AGPAT3: variants seen among roughly 807,000 people sequenced by gnomAD.
AGPAT3 encodes the protein 1-acyl-sn-glycerol-3-phosphate acyltransferase gamma.
Under a neutral mutation model 47.3 loss-of-function variants are expected in AGPAT3, and 5 were observed. That is an observed-to-expected ratio of 0.11 (90% CI 0.06 to 0.22). The LOEUF (loss-of-function observed/expected upper bound fraction) is 0.22. Ranked by LOEUF, AGPAT3 falls within the 10% of genes least tolerant of loss-of-function variation. The pLI is 1.00. For missense variants in AGPAT3, 315 were observed against 493.0 expected (o/e 0.64, Z 3.42); for synonymous variants, 212 against 208.3 (o/e 1.02, Z -0.15).
At chr21:43,947,797 C>T (rs2087971965) in intron 2 of AGPAT3, among the ~76,000 whole-genome samples, 1 of 151,816 alleles carries the variant, frequency 6.6e-6, no homozygotes, top group Admixed American at 6.6e-5. Context: ...GCGCCTGCCA[C>T]CACACCCGGC....
chr21:43,982,410 A>G lies in AGPAT3; in HGVS notation c.*18A>G, dbSNP rs1482133715. On this transcript the variant is annotated 3_prime_UTR_variant, in exon 10 of 10. Transcript: ENST00000291572. This position sits in a 1 kb window ranked among gnomAD's most constrained non-coding sequence, Gnocchi z 6.2. ...AGGAATAATTAATGGCTGTGACTGA[A>G]CACACGCGGCCCTGACGGTGGTATC... The G allele has an allele frequency of 1.3e-6, 2 of 1,587,182 alleles. No individual in the cohort carries two copies. Among genetic ancestry groups the G allele is most frequent in the Non-Finnish European group, 1.7e-6 (2 of 1,155,856 alleles).
At chr21:43,957,506 C>CG (rs1157404153) in intron 2 of AGPAT3, among the ~76,000 whole-genome samples, 6 of 137,944 alleles carry the variant, frequency 4.3e-5, no homozygotes, top group African/African-American at 8.4e-5. Flanking sequence ...CCCCTCCACA[C>CG]GGGGGGTCTC....
At position 43,930,849 on chromosome 21, in the gene AGPAT3, G is replaced by A. The variant is rs1434088220; in HGVS notation, c.-49+26830G>A. Among the ~76,000 whole-genome samples the A allele has an allele frequency of 1.3e-5, 2 of 152,148 alleles. No homozygotes were observed. Among genetic ancestry groups the A allele is most frequent in the East Asian group, 1.9e-4 (1 of 5,180 alleles). ...GGTCCTCAAGCTGCTGGTGACAAAC[G>A]CAAGGGGCCTGCTGCCCTGTCCCCT... On this transcript the variant is annotated intron_variant, in intron 2 of 9. Coordinates refer to ENST00000291572, the MANE Select transcript of AGPAT3 (RefSeq NM_020132.5). This position sits in a 1 kb window ranked among gnomAD's most constrained non-coding sequence, Gnocchi z 5.0.
chr21:43,865,745 C>T (rs1301664080), intron 1 of AGPAT3, among the ~76,000 whole-genome samples: 1 of 151,830 alleles, frequency 6.6e-6, no homozygotes, highest in Non-Finnish European at 1.5e-5. Context: ...CGTCCCATCC[C>T]TCCGTCCTGG....
chr21:43,925,797 C>T (rs1390598821), intron 2 of AGPAT3, among the ~76,000 whole-genome samples: 5 of 152,276 alleles, frequency 3.3e-5, no homozygotes, highest in Non-Finnish European at 5.9e-5. Flanking sequence ...CCACACAGAG[C>T]TCTGTCAGGA....
chr21:43,978,267 TTTC>T, intron 8 of AGPAT3, 146 bp downstream of exon 8: 2 of 584,976 alleles, frequency 3.4e-6, no homozygotes, highest in East Asian at 6.0e-5. Context: ...CCTTCTTTCA[TTTC>T]TTCTTTCTGT....
At chr21:43,972,733 A>G (rs933419341) in intron 7 of AGPAT3, among the ~76,000 whole-genome samples, 1 of 152,240 alleles carries the variant, frequency 6.6e-6, no homozygotes, top group Non-Finnish European at 1.5e-5. Context: ...CTTAAAACAC[A>G]GGCTGGGGTT....
chr21:43,882,467 G>C (rs1039627637), intron 1 of AGPAT3: 2 of 152,328 alleles, frequency 1.3e-5, no homozygotes, highest in Non-Finnish European at 2.9e-5. Flanking sequence ...GTCCCTTGCC[G>C]GGGTTGGCCA....
Position 43,958,811 on chromosome 21 carries a change from AGTG to A in AGPAT3, c.-48-822_-48-820del, listed in dbSNP as rs1351242546. On this transcript the variant is annotated intron_variant, in intron 2 of 9. Coordinates refer to ENST00000291572, the MANE Select transcript of AGPAT3 (RefSeq NM_020132.5). ...CATATGTGTGGTTTGCAGTGTGTGT[AGTG>A]TGTGTGGTTTGTGATGTGTGGTGTG... Among the ~76,000 whole-genome samples the A allele has an allele frequency of 3.4e-5, 3 of 87,066 alleles. No individual in the cohort carries two copies. In the East Asian group the frequency reaches 1.1e-3, roughly 32 times the overall value. 57.1% of individuals were successfully genotyped at this position (87,066 alleles called of 152,430 possible). A position where few individuals can be genotyped will look rare whatever the true frequency, so the allele number is the denominator to read the frequency against.
rs1479209277 is a variant in AGPAT3, at chr21:43,939,007, C to T, written c.-48-20627C>T. Among the ~76,000 whole-genome samples, 5 of 152,160 alleles carry T rather than the reference C, an allele frequency of 3.3e-5. No individual in the cohort carries two copies. The highest frequency in any genetic ancestry group is 2.1e-4 in the South Asian group (1 of 4,824). On this transcript the variant is annotated intron_variant, in intron 2 of 9. Transcript: ENST00000291572. This position sits in a 1 kb window ranked among gnomAD's most constrained non-coding sequence, Gnocchi z 4.4. ...CTGAGCATGTCAGGACTGAGCTGAG[C>T]GGTTCCCACCTCTCAGTCCACAGTT...
chr21:43,872,405 T>A (rs2085641501), intron 1 of AGPAT3, among the ~76,000 whole-genome samples: 1 of 152,172 alleles, frequency 6.6e-6, no homozygotes, highest in Non-Finnish European at 1.5e-5. Flanking sequence ...GGTCTCGAAC[T>A]CCTGACCTCA....
rs1212137105 is a variant in AGPAT3 at position 43,943,741 on chromosome 21, G to A, written c.-48-15893G>A. 2.6e-5 allele frequency among the ~76,000 whole-genome samples: 4 copies of A among 152,226 alleles called. No individual in the cohort carries two copies. In the East Asian group the frequency reaches 7.7e-4, roughly 29 times the overall value. ...CCCGGGAGGGGAGGTTGGAGTCGGG[G>A]TGGGGCGGGCCGCGTGCTGTTGGTG... On this transcript the variant is annotated intron_variant, in intron 2 of 9. Coordinates refer to ENST00000291572, the MANE Select transcript of AGPAT3 (RefSeq NM_020132.5).
chr21:43,928,224 C>T (rs1355637884), intron 2 of AGPAT3, among the ~76,000 whole-genome samples: 1 of 152,232 alleles, frequency 6.6e-6, no homozygotes, highest in Non-Finnish European at 1.5e-5. Flanking sequence ...GTTTCAACTC[C>T]AGCCACAGGG....
intron 2 of AGPAT3, among the ~76,000 whole-genome samples, chr21:43,941,935 C>T (rs2087671182): frequency 2.0e-5 from 3 of 152,270 alleles, no homozygotes; most frequent in African/African-American, 7.2e-5. Flanking sequence ...TGAGCAGCTG[C>T]TCGTAATTGG....
rs2087319671 is a variant in AGPAT3, at chr21:43,933,268, C to G, written c.-48-26366C>G. Reference sequence around the variant, plus strand: ...TGCTTTCTTGCTATTGAGTCTGAGCCCCTTTACCCTGTGGATGCTGGGCCT... The same window carrying G: ...TGCTTTCTTGCTATTGAGTCTGAGCGCCTTTACCCTGTGGATGCTGGGCCT... On this transcript the variant is annotated intron_variant, in intron 2 of 9. Transcript: ENST00000291572. The surrounding 1 kb of genome is among the most constrained non-coding windows in gnomAD (Gnocchi z 6.0). Among the ~76,000 whole-genome samples the G allele has an allele frequency of 6.6e-6, 1 of 152,202 alleles. No homozygotes were observed. The highest frequency in any genetic ancestry group is 6.5e-5 in the Admixed American group (1 of 15,296).
rs559419495 is a variant in AGPAT3 at position 43,889,852 on chromosome 21, C to G, written c.-111-14105C>G. 5.7e-4 allele frequency among the ~76,000 whole-genome samples: 87 copies of G among 152,332 alleles called. 1 individual carries two copies. Among genetic ancestry groups the G allele is most frequent in the Middle Eastern group, 3.4e-3 (1 of 294 alleles). ...TTCGTCTTTTTGCTAGTAGACGGGT[C>G]TGCTTCGACGTGAATGGCTGCTGAG... On this transcript the variant is annotated intron_variant, in intron 1 of 9. Transcript: ENST00000291572.
rs542102119 is a variant in AGPAT3 at position 43,930,241 on chromosome 21, G to A, written c.-49+26222G>A. 1.2e-4 allele frequency among the ~76,000 whole-genome samples: 18 copies of A among 152,300 alleles called. 1 individual carries two copies. The South Asian group carries it at 3.7e-3, about 32-fold the overall frequency. On this transcript the variant is annotated intron_variant, in intron 2 of 9. Transcript: ENST00000291572. This position sits in a 1 kb window ranked among gnomAD's most constrained non-coding sequence, Gnocchi z 5.0. Reference sequence around the variant, plus strand: ...GGACACAGTTGTGGGAGGTCTCAGGGCAGAGACGCCGCACGGTGGGGTAGG... The same window carrying A: ...GGACACAGTTGTGGGAGGTCTCAGGACAGAGACGCCGCACGGTGGGGTAGG...
chr21:43,981,356 T>C lies in AGPAT3; in HGVS notation c.1042+169T>C. On this transcript the variant is annotated intron_variant, in intron 9 of 9. Coordinates refer to ENST00000291572, the MANE Select transcript of AGPAT3 (RefSeq NM_020132.5). This position sits in a 1 kb window ranked among gnomAD's most constrained non-coding sequence, Gnocchi z 5.3. Reference sequence around the variant, plus strand: ...GGCCTGCGGGCCTCAGAGCCTGGATTCTTGCACTGAGCTGAGGGTCGCCTC... The same window carrying C: ...GGCCTGCGGGCCTCAGAGCCTGGATCCTTGCACTGAGCTGAGGGTCGCCTC... 1 of 738,896 alleles carries C rather than the reference T, an allele frequency of 1.4e-6. No individual in the cohort carries two copies. The highest frequency in any genetic ancestry group is 2.2e-6 in the Non-Finnish European group (1 of 451,318). The allele number at this position is 738,896 out of a possible 1,614,324, so 45.8% of individuals were successfully genotyped here.
At position 43,970,017 on chromosome 21, in the gene AGPAT3, T is replaced by C. The variant is rs571809738; in HGVS notation, c.511-636T>C. Among the ~76,000 whole-genome samples the C allele has an allele frequency of 6.7e-6, 1 of 150,294 alleles. No homozygotes were observed. Among genetic ancestry groups the C allele is most frequent in the Non-Finnish European group, 1.5e-5 (1 of 67,820 alleles). On this transcript the variant is annotated intron_variant, in intron 5 of 9. Coordinates refer to ENST00000291572, the MANE Select transcript of AGPAT3 (RefSeq NM_020132.5). The surrounding 1 kb of genome is among the most constrained non-coding windows in gnomAD (Gnocchi z 5.8). The stretch of plus-strand genomic sequence containing the variant: ...CCAGCCTGCTGTTAGCATTTCTTTT[T>C]TTTTGTTTTGAGACAGAGCCTTAGT...
Sources: allele counts gnomAD v4.1 joint callset (sites outside exome capture counted in the v4.1 genomes callset), GRCh38; gene constraint gnomAD v4.1.1; non-coding constraint Gnocchi (gnomAD v3.1); transcripts MANE v1.5; gene names NCBI Gene and HGNC (gene_info 2026-07-23, HGNC 2026-07-21).